The following RLN2 variants were observed in gnomAD, a reference collection of about 807,000 sequenced individuals.
RLN2 encodes the protein relaxin 2, also known as prorelaxin H2.
Under a neutral mutation model 7.3 loss-of-function variants are expected in RLN2, and 10 were observed. The ratio of observed to expected loss-of-function variants is 1.36; its 90% CI spans 0.84 to 2.31. The LOEUF (loss-of-function observed/expected upper bound fraction) is 2.31. Among genes scored for constraint, RLN2 ranks in the 30% most tolerant of loss-of-function variants. The probability of loss-of-function intolerance (pLI) is 0.00; values close to 1 mark genes in which losing one functional copy is unlikely to be tolerated. For synonymous variants in RLN2, 103 were observed against 82.3 expected (o/e 1.25, Z -1.36); for missense variants, 298 against 217.6 (o/e 1.37, Z -2.32).
the RLN2 span, among the ~76,000 whole-genome samples, chr9:5,325,567 A>G: frequency 6.6e-6 from 1 of 152,096 alleles, no homozygotes; most frequent in South Asian, 2.1e-4. Context: ...AGAAATGACT[A>G]CAATATACCA....
At chr9:5,309,322 T>A (rs7875735), upstream of RLN2, among the ~76,000 whole-genome samples, 931 of 152,150 alleles carry the variant, frequency 6.1e-3, 17 homozygotes, top group African/African-American at 0.021. Context: ...AATACAGAAA[T>A]CATGATCCTT....
At chr9:5,306,160 T>C (rs1280629869), upstream of RLN2, among the ~76,000 whole-genome samples, 1 of 147,072 alleles carries the variant, frequency 6.8e-6, no homozygotes, top group Non-Finnish European at 1.5e-5. Flanking sequence ...CAGGCTGGAG[T>C]GCAATGGTGT....
At chr9:5,321,200 TG>T in the RLN2 span, among the ~76,000 whole-genome samples, 1 of 152,126 alleles carries the variant, frequency 6.6e-6, no homozygotes, top group Non-Finnish European at 1.5e-5. Flanking sequence ...AGTATGAATG[TG>T]AAGGCCACAA....
At chr9:5,329,007 T>C in the RLN2 span, among the ~76,000 whole-genome samples, 11 of 151,990 alleles carry the variant, frequency 7.2e-5, no homozygotes, top group Non-Finnish European at 1.5e-4. Context: ...ATCAATGCTA[T>C]GAAGAAACTG....
chr9:5,305,280 G>T (rs1453894911), upstream of RLN2, among the ~76,000 whole-genome samples: 1 of 151,214 alleles, frequency 6.6e-6, no homozygotes, highest in Non-Finnish European at 1.5e-5. Flanking sequence ...CACTCTTGGG[G>T]ATAAATTTGA....
At chr9:5,326,735 G>A in the RLN2 span, among the ~76,000 whole-genome samples, 1 of 152,032 alleles carries the variant, frequency 6.6e-6, no homozygotes, top group South Asian at 2.1e-4. Flanking sequence ...TTTATAAAGT[G>A]TAAAAGGAGG....
At chr9:5,329,471 A>G in the RLN2 span, among the ~76,000 whole-genome samples, 3 of 151,862 alleles carry the variant, frequency 2.0e-5, no homozygotes, top group Non-Finnish European at 4.4e-5. Context: ...CAAACTGGAT[A>G]AAGAGTCAAG....
the RLN2 span, among the ~76,000 whole-genome samples, chr9:5,318,476 A>G: frequency 6.6e-6 from 1 of 151,962 alleles, no homozygotes; most frequent in East Asian, 1.9e-4. Flanking sequence ...AAACCCCAAT[A>G]TGGTAAGTGT....
the RLN2 span, among the ~76,000 whole-genome samples, chr9:5,330,807 G>T: frequency 1.3e-5 from 2 of 149,240 alleles, no homozygotes; most frequent in Admixed American, 1.3e-4. Flanking sequence ...ATGAATCCAG[G>T]AGCTGGTTTT....
At chr9:5,312,133 T>C in the RLN2 span, among the ~76,000 whole-genome samples, 2 of 152,040 alleles carry the variant, frequency 1.3e-5, no homozygotes, top group Non-Finnish European at 2.9e-5. Context: ...CTTTCCCTTC[T>C]AGTTTTGAGA....
In RLN2 at chr9:5,300,004, T is replaced by C; in HGVS notation, c.*94A>G. On this transcript the variant is annotated 3_prime_UTR_variant, in exon 2 of 2. Coordinates refer to ENST00000381627, the MANE Select transcript of RLN2 (RefSeq NM_134441.3). ...AATATCTAACAAAGATTCTTAGATA[T>C]TCTAAGAATTGATGGGACCTGATAG... 1 of 709,674 alleles carries C rather than the reference T, an allele frequency of 1.4e-6. No individual in the cohort carries two copies. The highest frequency in any genetic ancestry group is 2.3e-6 in the Non-Finnish European group (1 of 433,160). 44.0% of individuals were successfully genotyped at this position (709,674 alleles called of 1,614,324 possible). A position where few individuals can be genotyped will look rare whatever the true frequency, so the allele number is the denominator to read the frequency against.
At chr9:5,312,721 G>GAA in the RLN2 span, among the ~76,000 whole-genome samples, 8 of 143,668 alleles carry the variant, frequency 5.6e-5, no homozygotes, top group Admixed American at 1.4e-4. Context: ...AGTTTGCTTG[G>GAA]AAAAAAAAAA....
chr9:5,321,925 C>A, the RLN2 span, among the ~76,000 whole-genome samples: 35 of 152,090 alleles, frequency 2.3e-4, no homozygotes, highest in African/African-American at 7.5e-4. Context: ...TTGAGGCAGC[C>A]CTGAGAACGA....
the RLN2 span, among the ~76,000 whole-genome samples, chr9:5,328,870 A>G: frequency 6.6e-6 from 1 of 152,222 alleles, no homozygotes; most frequent in South Asian, 2.1e-4. Context: ...TCCTTTACAG[A>G]CAAGAAAATG....
At position 5,300,061 on chromosome 9, in the gene RLN2, G is replaced by C. The variant is rs748073881; in HGVS notation, c.*37C>G. Reference sequence around the variant, plus strand: ...CAGTGAAATGTCATTAAGAATATGTGTGAATATTATACGAGATGTGCACAA... The same window carrying C: ...CAGTGAAATGTCATTAAGAATATGTCTGAATATTATACGAGATGTGCACAA... On this transcript the variant is annotated 3_prime_UTR_variant, in exon 2 of 2. Transcript: ENST00000381627. The C allele has an allele frequency of 1.6e-5, 20 of 1,284,688 alleles. No individual in the cohort carries two copies. The highest frequency in any genetic ancestry group is 1.9e-5 in the Non-Finnish European group (17 of 912,456). The allele number at this position is 1,284,688 out of a possible 1,614,324, so 79.6% of individuals were successfully genotyped here.
upstream of RLN2, among the ~76,000 whole-genome samples, chr9:5,305,845 C>T (rs1816238043): frequency 6.6e-6 from 1 of 151,998 alleles, no homozygotes; most frequent in African/African-American, 2.4e-5. Context: ...AGTAGGCCCA[C>T]TTAGCATTGG....
the RLN2 span, among the ~76,000 whole-genome samples, chr9:5,319,421 G>A: frequency 2.0e-5 from 3 of 151,988 alleles, no homozygotes; most frequent in African/African-American, 4.8e-5. Context: ...TGAATGGAAC[G>A]TCCCATGAGG....
rs1232905554 is a variant in RLN2, at chr9:5,300,425, G to C, written c.231C>G (p.Ile77Met). The C allele has an allele frequency of 6.2e-7, 1 of 1,603,890 alleles. No individual in the cohort carries two copies. Residue 77 changes from isoleucine to methionine, a missense_variant, in exon 2 of 2, where the codon ATC becomes ATG. By Grantham distance (10) the Ile-to-Met change is conservative. Transcript: ENST00000381627. ...TATTTATGGTTTCTGTATCTTTGTT[G>C]ATGAAGGATGGCACAATTTCTGTTA... Reference protein sequence around the residue: ...RPVAEIVPSFINKDTETINMM... With the variant: ...RPVAEIVPSFMNKDTETINMM...
At chr9:5,317,582 G>A in the RLN2 span, among the ~76,000 whole-genome samples, 22 of 150,456 alleles carry the variant, frequency 1.5e-4, 1 homozygote, top group Non-Finnish European at 2.4e-4. Context: ...GAAAAAAACC[G>A]CACACACATT....
Sources: allele counts gnomAD v4.1 joint callset (sites outside exome capture counted in the v4.1 genomes callset), GRCh38; gene constraint gnomAD v4.1.1; transcripts MANE v1.5; gene names NCBI Gene and HGNC (gene_info 2026-07-23, HGNC 2026-07-21).